Variants in ANKRD35 observed in about 807,000 individuals in gnomAD.
ANKRD35 encodes the protein ankyrin repeat domain 35.
Under a neutral mutation model 109.9 loss-of-function variants are expected in ANKRD35, and 102 were observed. The observed-to-expected ratio is 0.93, with a 90% CI of 0.79 to 1.09. The LOEUF (loss-of-function observed/expected upper bound fraction) is 1.09. Ranked by LOEUF, ANKRD35 falls within the 50% of genes least tolerant of loss-of-function variation. The pLI is 0.00. For synonymous variants in ANKRD35, 515 were observed against 512.4 expected, an observed-to-expected ratio of 1.01 and a Z score of -0.07; for missense variants, 1,240 against 1,230.1, an observed-to-expected ratio of 1.01 and a Z score of -0.12.
chr1:145,871,121 T>TTTCTTTC (rs1570794263), intron 10 of ANKRD35, among the ~76,000 whole-genome samples: 11,658 of 109,612 alleles, frequency 0.11, 955 homozygotes, highest in East Asian at 0.22. Flanking sequence ...TTCAAGCTTT[T>TTTCTTTC]TTTCTTTCTT....
At chr1:145,882,296 CTT>C (rs57073568) in intron 1 of ANKRD35, among the ~76,000 whole-genome samples, 35 of 103,528 alleles carry the variant, frequency 3.4e-4, no homozygotes, top group African/African-American at 8.7e-4. Context: ...TCTTTCTTTC[CTT>C]TTTTTTTTTT....
chr1:145,877,219 G>A lies in ANKRD35; in HGVS notation c.325-346C>T, dbSNP rs117590981. The stretch of plus-strand genomic sequence containing the variant: ...TAGAACATCCATTTGCCTGATGGCC[G>A]GTTAAGATAACTGATTTTTTTTTTT... On this transcript the variant is annotated intron_variant, in intron 4 of 13. Transcript: ENST00000355594. Among the ~76,000 whole-genome samples, 5 of 151,156 alleles carry A rather than the reference G, an allele frequency of 3.3e-5. No individual in the cohort carries two copies. In the East Asian group the frequency reaches 5.8e-4, roughly 18 times the overall value.
chr1:145,879,089 C>A (rs1553740630), intron 2 of ANKRD35, among the ~76,000 whole-genome samples, 169 bp downstream of exon 2: 1 of 152,202 alleles, frequency 6.6e-6, no homozygotes, highest in African/African-American at 2.4e-5. Context: ...TTTCTTTCCT[C>A]ACTTTGTGTA....
In ANKRD35 at chr1:145,878,177, C is replaced by T. The variant is rs1559176512; in HGVS notation, c.260-145G>A. On this transcript the variant is annotated intron_variant, in intron 3 of 13. Transcript: ENST00000355594. ...ACACGGGGCCAGAAATTCCTGTTCCCCAAGTGCCTGGTACCTGTGATGAAG... is the reference window on the plus strand; with the variant it reads ...ACACGGGGCCAGAAATTCCTGTTCCTCAAGTGCCTGGTACCTGTGATGAAG... 1.1e-5 allele frequency: 10 copies of T among 941,490 alleles called. 1 individual carries two copies. Among genetic ancestry groups the T allele is most frequent in the Non-Finnish European group, 1.5e-5 (9 of 595,264 alleles). 58.3% of individuals were successfully genotyped at this position (941,490 alleles called of 1,614,324 possible).
chr1:145,877,118 T>C (rs1654110491), intron 4 of ANKRD35, among the ~76,000 whole-genome samples: 1 of 152,132 alleles, frequency 6.6e-6, no homozygotes, highest in South Asian at 2.1e-4. Context: ...TTAGGGAAAA[T>C]GACACCCAAT....
rs782363213 is a variant in ANKRD35 at position 145,868,334 on chromosome 1, C to T, written c.2854G>A (p.Ala952Thr). The change falls in exon 11 of 14, where the codon GCT becomes ACT. Residue 952 changes from alanine to threonine, a missense_variant. Transcript: ENST00000355594. ...ACCTGCAGCTGCAGGGCAAGGCGAG[C>T]ATTTTCTCCCCGAATTGCTAGAACC... is the stretch of plus-strand genomic sequence containing the variant. ...EEVLAIRGEN[A>T]RLALQLQDSQ... 1.9e-6 allele frequency: 3 copies of T among 1,614,116 alleles called. No homozygotes were observed. Among genetic ancestry groups the T allele is most frequent in the Non-Finnish European group, 2.5e-6 (3 of 1,180,052 alleles).
Position 145,873,139 on chromosome 1 carries a change from C to A in ANKRD35, c.1630G>T (p.Val544Leu), listed in dbSNP as rs1553739246. The change falls in exon 10 of 14, where the codon GTG (valine) becomes TTG (leucine). Residue 544 changes from valine to leucine, a missense_variant. Transcript: ENST00000355594. ...WEKMEARLER[V>L]LARLEWAKAG... ...TTTGCCCATTCCAGCCTTGCCAGCACCCGCTCCAGTCGGGCTTCCATCTTC... is the reference window on the plus strand; with the variant it reads ...TTTGCCCATTCCAGCCTTGCCAGCAACCGCTCCAGTCGGGCTTCCATCTTC... 1.9e-6 allele frequency: 3 copies of A among 1,613,982 alleles called. No homozygotes were observed. The African/African-American group carries it at 4.0e-5, about 22-fold the overall frequency.
intron 7 of ANKRD35, 86 bp downstream of exon 7, chr1:145,876,052 CAA>C: frequency 8.5e-7 from 1 of 1,170,038 alleles, no homozygotes; most frequent in Non-Finnish European, 1.2e-6. Flanking sequence ...CCAACACACA[CAA>C]ACACACACAC....
At position 145,873,979 on chromosome 1, in the gene ANKRD35, G is replaced by A; in HGVS notation, c.790C>T (p.Pro264Ser). Residue 264 changes from proline to serine, a missense_variant, in exon 10 of 14, where the codon CCA becomes TCA. Transcript: ENST00000355594. ...GGAGAACCTGCCTGGGGCTCAGATGGAGAGGCCTATGTTGGAAACAGAATA... is the reference window on the plus strand; with the variant it reads ...GGAGAACCTGCCTGGGGCTCAGATGAAGAGGCCTATGTTGGAAACAGAATA... ...QHPDLASQAS[P>S]SEPQAGSPPK... The A allele has an allele frequency of 1.2e-6, 2 of 1,613,924 alleles. No homozygotes were observed. Among genetic ancestry groups the A allele is most frequent in the Non-Finnish European group, 1.7e-6 (2 of 1,179,974 alleles).
rs116927743 is a variant in ANKRD35 at position 145,877,696 on chromosome 1, A to G, written c.324+272T>C. ...GTCCTCCTTCCTCTTGCCCCTCATC[A>G]TAGCAGGAAGTCTCTGCAGTGGCTC... On this transcript the variant is annotated intron_variant, in intron 4 of 13. Transcript: ENST00000355594. Among the ~76,000 whole-genome samples, 403 of 152,256 alleles carry G rather than the reference A, an allele frequency of 2.6e-3. 17 individuals carry two copies. The East Asian group carries it at 0.065, about 25-fold the overall frequency.
In ANKRD35 at chr1:145,872,272, G is replaced by A; in HGVS notation, c.2497C>T (p.Arg833Trp). 1 of 1,611,918 alleles carries A rather than the reference G, an allele frequency of 6.2e-7. No homozygotes were observed. The change falls in exon 10 of 14, where the codon CGG becomes TGG. Residue 833 changes from arginine to tryptophan, a missense_variant. Coordinates refer to ENST00000355594, the MANE Select transcript of ANKRD35 (RefSeq NM_144698.5). Reference sequence around the variant, plus strand: ...GAACCCCGAGTTTTCTCGTGTTGCCGTAGGCTGGCTGCCTCCCGGGCCCTT... The same window carrying A: ...GAACCCCGAGTTTTCTCGTGTTGCCATAGGCTGGCTGCCTCCCGGGCCCTT... The part of the protein sequence containing the change: ...ELRAREAASL[R>W]QHEKTRGSLV...
At chr1:145,881,066 A>T (rs1654268181) in intron 1 of ANKRD35, among the ~76,000 whole-genome samples, 1 of 152,206 alleles carries the variant, frequency 6.6e-6, no homozygotes, top group African/African-American at 2.4e-5. Flanking sequence ...CGGGTGGATC[A>T]CCTGAGGTCA....
chr1:145,877,059 C>T (rs587652849), intron 4 of ANKRD35, among the ~76,000 whole-genome samples, 186 bp from the exon 5 acceptor site: 1 of 152,224 alleles, frequency 6.6e-6, no homozygotes, highest in Admixed American at 6.5e-5. Context: ...AATATCAGCC[C>T]TGGTTTCTAA....
chr1:145,874,366 C>A (rs1235957280), intron 8 of ANKRD35, among the ~76,000 whole-genome samples, 174 bp from the exon 9 acceptor site: 3 of 152,190 alleles, frequency 2.0e-5, no homozygotes, highest in Non-Finnish European at 4.4e-5. Context: ...AACTATCCAG[C>A]AACTTTGGTT....
chr1:145,872,223 C>A lies in ANKRD35; in HGVS notation c.2546G>T (p.Trp849Leu). Reference sequence around the variant, plus strand: ...CAACAGAGCCTTTAGCTCCTGGCCCCAAGCCTGAGCCTGGGCCACCAGCGA... The same window carrying A: ...CAACAGAGCCTTTAGCTCCTGGCCCAAAGCCTGAGCCTGGGCCACCAGCGA... ...RGSLVAQAQA[W>L]GQELKALLEK... Residue 849 changes from tryptophan (W) to leucine (L), a missense_variant, in exon 10 of 14, where the codon TGG becomes TTG. Transcript: ENST00000355594. The A allele has an allele frequency of 6.2e-7, 1 of 1,610,688 alleles. No individual in the cohort carries two copies. Among genetic ancestry groups the A allele is most frequent in the Non-Finnish European group, 8.5e-7 (1 of 1,178,614 alleles).
Position 145,885,717 on chromosome 1 carries a change from T to G in ANKRD35, c.39+3A>C. On this transcript the variant is annotated splice_donor_region_variant and intron_variant, in intron 1 of 13. Coordinates refer to ENST00000355594, the MANE Select transcript of ANKRD35 (RefSeq NM_144698.5). Reference sequence around the variant, plus strand: ...CCATCCTCCCACACATTTTGGCACCTACCGCCACCTGTGTGCTGGAGCAGG... The same window carrying G: ...CCATCCTCCCACACATTTTGGCACCGACCGCCACCTGTGTGCTGGAGCAGG... 6.2e-7 allele frequency: 1 copy of G among 1,614,062 alleles called. No individual in the cohort carries two copies.
intron 1 of ANKRD35, among the ~76,000 whole-genome samples, chr1:145,884,735 C>T (rs1654416934): frequency 0.028 from 1 of 36 alleles, no homozygotes; most frequent in African/African-American, 0.1. Flanking sequence ...TTTCCCCCAC[C>T]TCAACCAAGG....
At position 145,870,282 on chromosome 1, in the gene ANKRD35, C is replaced by T. The variant is rs188819637; in HGVS notation, c.2787+1700G>A. Among the ~76,000 whole-genome samples, 920 of 151,820 alleles carry T rather than the reference C, an allele frequency of 6.1e-3. 7 individuals are homozygous for T. Among genetic ancestry groups the T allele is most frequent in the African/African-American group, 0.021 (854 of 41,378 alleles). ...AATTTTTTTGTATTTTTAGTGGAGA[C>T]GGGGTTTCACCGTGTTAGCCAGGAT... On this transcript the variant is annotated intron_variant, in intron 10 of 13. Coordinates refer to ENST00000355594, the MANE Select transcript of ANKRD35 (RefSeq NM_144698.5).
chr1:145,882,294 T>TC (rs1456232224), intron 1 of ANKRD35, among the ~76,000 whole-genome samples: 3 of 141,928 alleles, frequency 2.1e-5, no homozygotes, highest in Non-Finnish European at 4.6e-5. Flanking sequence ...TTTCTTTCTT[T>TC]CCTTTTTTTT....
Sources: gnomAD v4.1 joint callset for allele counts (sites outside exome capture counted in the v4.1 genomes callset) on GRCh38, gnomAD v4.1.1 for gene constraint, MANE v1.5 for transcripts, NCBI Gene and HGNC (gene_info 2026-07-23, HGNC 2026-07-21) for gene names.